The following VSIG10L2 variants were observed in gnomAD, a reference collection of about 807,000 sequenced individuals.
VSIG10L2 encodes the protein V-set and immunoglobulin domain containing 10 like 2.
In VSIG10L2, 56 loss-of-function variants were observed where a neutral mutation model predicts 67.1. The ratio of observed to expected loss-of-function variants is 0.83; its 90% confidence interval spans 0.67 to 1.04. The LOEUF is 1.04. Among genes scored for constraint, VSIG10L2 ranks in the 50% least tolerant of loss-of-function variants. The pLI is 0.00. For missense variants in VSIG10L2, 843 were observed against 932.8 expected (o/e 0.90, Z 1.25); for synonymous variants, 360 against 396.6 (o/e 0.91, Z 1.10).
intron 8 of VSIG10L2, 65 bp from the exon 9 acceptor site, chr11:125,954,992 C>T (rs992714116): frequency 7.9e-5 from 97 of 1,229,998 alleles, no homozygotes; most frequent in East Asian, 9.5e-5. Flanking sequence ...TGGTTCCCTA[C>T]GAGCCACTGT....
At position 125,954,093 on chromosome 11, in the gene VSIG10L2, C is replaced by T. The variant is rs1945417275; in HGVS notation, c.1793C>T (p.Pro598Leu). 8.1e-7 allele frequency: 1 copy of T among 1,232,198 alleles called. No homozygotes were observed. Among genetic ancestry groups the T allele is most frequent in the Non-Finnish European group, 1.0e-6 (1 of 988,038 alleles). 76.3% of individuals were successfully genotyped at this position (1,232,198 alleles called of 1,614,324 possible). ...QSVLLEVLRY[P>L]APPNVTISRL... ...TGTCCCCACCCTCACCCAGGATATC[C>T]AGCTCCTCCCAATGTCACCATCAGC... is the stretch of plus-strand genomic sequence containing the variant. The change falls in exon 8 of 12, where the codon CCA (proline) becomes CTA (leucine). Residue 598 changes from proline (P) to leucine (L), a missense_variant. Transcript: ENST00000686984.
chr11:125,951,949 C>T lies in VSIG10L2; in HGVS notation c.1371C>T (p.Gly457=), dbSNP rs748782762. 120 of 1,536,006 alleles carry T rather than the reference C, an allele frequency of 7.8e-5. No individual in the cohort carries two copies. The highest frequency in any genetic ancestry group is 5.1e-4 in the South Asian group (43 of 84,066). Residue 457 remains glycine (G), a synonymous_variant, in exon 6 of 12, where the codon GGC becomes GGT. Coordinates refer to ENST00000686984, the MANE Select transcript of VSIG10L2 (RefSeq NM_001365077.2). ...GWLDEQQQPL[G]GSSSSMAVHL... is the part of the protein sequence containing the mutation. ...TTGACGAACAGCAGCAGCCCCTGGG[C>T]GGCAGCAGCTCCTCGATGGCCGTTC...
At chr11:125,947,600 C>A (rs1018940343) in intron 1 of VSIG10L2, 86 bp from the exon 2 acceptor site, 6 of 1,231,542 alleles carry the variant, frequency 4.9e-6, no homozygotes, top group Non-Finnish European at 6.1e-6. Context: ...GACTGCAGAA[C>A]CAAAAAGAGA....
chr11:125,954,522 C>T (rs141755529), intron 8 of VSIG10L2, 139 bp downstream of exon 8: 147 of 678,454 alleles, frequency 2.2e-4, no homozygotes, highest in Non-Finnish European at 2.7e-4. Context: ...GCCCGTCCTC[C>T]TCTCTCTCCA....
At chr11:125,949,878 G>T (rs1254577722) in intron 3 of VSIG10L2, 136 bp from the exon 4 acceptor site, 1 of 925,486 alleles carries the variant, frequency 1.1e-6, no homozygotes, top group East Asian at 3.3e-5. Flanking sequence ...AGCTCTAAGA[G>T]GGCCTAGCCT....
Position 125,948,497 on chromosome 11 carries a change from G to A in VSIG10L2, c.626G>A (p.Arg209Gln), listed in dbSNP as rs769772290. The change falls in exon 3 of 12, where the codon CGG becomes CAG. Residue 209 changes from arginine (R) to glutamine (Q), a missense_variant. Coordinates refer to ENST00000686984, the MANE Select transcript of VSIG10L2 (RefSeq NM_001365077.2). The stretch of plus-strand genomic sequence containing the variant: ...CTATTCCAGCTGGACCCTGTCAACC[G>A]GACACACCTAGGGTGGTACATGTGC... The part of the protein sequence containing the change: ...EPLFQLDPVN[R>Q]THLGWYMCSA... 51 of 1,232,118 alleles carry A rather than the reference G, an allele frequency of 4.1e-5. No individual in the cohort carries two copies. The highest frequency in any genetic ancestry group is 4.7e-5 in the Non-Finnish European group (46 of 988,012). 76.3% of individuals were successfully genotyped at this position (1,232,118 alleles called of 1,614,324 possible). A position where few individuals can be genotyped will look rare whatever the true frequency, so the allele number is the denominator to read the frequency against.
chr11:125,949,425 T>C (rs1158160896), intron 3 of VSIG10L2, among the ~76,000 whole-genome samples: 1 of 152,092 alleles, frequency 6.6e-6, no homozygotes, highest in Non-Finnish European at 1.5e-5. Context: ...CCGTGGCGGT[T>C]TGTGGAAATT....
At chr11:125,955,349 C>T (rs749082154) in intron 9 of VSIG10L2, among the ~76,000 whole-genome samples, 133 bp from the exon 10 acceptor site, 2 of 152,228 alleles carry the variant, frequency 1.3e-5, no homozygotes, top group South Asian at 2.1e-4. Flanking sequence ...AACCCCCAAC[C>T]CAGGCACCTG....
chr11:125,951,785 G>C, intron 5 of VSIG10L2, 28 bp from the exon 6 acceptor site: 1 of 1,472,022 alleles, frequency 6.8e-7, no homozygotes, highest in South Asian at 1.4e-5. Flanking sequence ...CCTTCCACAG[G>C]GCCATACTGA....
intron 8 of VSIG10L2, 41 bp from the exon 9 acceptor site, chr11:125,955,016 C>A (rs1439450286): frequency 8.1e-7 from 1 of 1,232,674 alleles, no homozygotes; most frequent in Non-Finnish European, 1.0e-6. Context: ...CCAAGTTCTG[C>A]AGTGGCTCTA....
chr11:125,951,781 A>C, intron 5 of VSIG10L2, 32 bp from the exon 6 acceptor site: 1 of 1,449,022 alleles, frequency 6.9e-7, no homozygotes, highest in Non-Finnish European at 9.1e-7. Context: ...TCCTCCTTCC[A>C]CAGGGCCATA....
At chr11:125,953,343 C>A in intron 6 of VSIG10L2, 57 bp from the exon 7 acceptor site, 1 of 1,221,654 alleles carries the variant, frequency 8.2e-7, no homozygotes, top group South Asian at 4.1e-5. Flanking sequence ...CAATGCTGGC[C>A]AGCACCTTGT....
chr11:125,955,961 T>C lies in VSIG10L2; in HGVS notation c.*47T>C. 1.6e-6 allele frequency: 1 copy of C among 637,128 alleles called. No homozygotes were observed. The allele number at this position is 637,128 out of a possible 1,614,324, so 39.5% of individuals were successfully genotyped here. On this transcript the variant is annotated 3_prime_UTR_variant, in exon 12 of 12. Transcript: ENST00000686984. ...ATAGGCTTAGGGAGGGCAGGTGGGATTTGGGAAGAGCCCTTCTGTCAGACT... is the reference window on the plus strand; with the variant it reads ...ATAGGCTTAGGGAGGGCAGGTGGGACTTGGGAAGAGCCCTTCTGTCAGACT...
chr11:125,951,320 C>T (rs950565864), intron 5 of VSIG10L2, among the ~76,000 whole-genome samples, 162 bp downstream of exon 5: 1 of 152,182 alleles, frequency 6.6e-6, no homozygotes, highest in Admixed American at 6.5e-5. Context: ...CTCTCAGTCC[C>T]CATCTCCCAT....
chr11:125,951,894 GC>G lies in VSIG10L2; in HGVS notation c.1317del (p.Gly440AlafsTer156), dbSNP rs1326414156. The G allele has an allele frequency of 1.4e-5, 21 of 1,534,106 alleles. No homozygotes were observed. In the South Asian group the frequency reaches 1.7e-4, roughly 12 times the overall value. On this transcript the variant is annotated frameshift_variant, in exon 6 of 12. Coordinates refer to ENST00000686984, the MANE Select transcript of VSIG10L2 (RefSeq NM_001365077.2). LOFTEE classifies it high-confidence loss of function. ...QFIMLSCEWPGGEPPATLGWL... is the reference protein window; with the variant it reads ...QFIMLSCEWPXGEPPATLGWL... ...ATCATGCTGAGCTGCGAGTGGCCTG[GC>G]GGCGAGCCCCCTGCCACGCTGGGCT...
intron 8 of VSIG10L2, among the ~76,000 whole-genome samples, chr11:125,954,638 G>C (rs1945427645): frequency 1.3e-5 from 2 of 152,158 alleles, no homozygotes; most frequent in Admixed American, 1.3e-4. Context: ...TCAGAATAGA[G>C]AGGAAGGAAA....
intron 5 of VSIG10L2, 102 bp from the exon 6 acceptor site, chr11:125,951,707 TGAAG>T (rs1945374729): frequency 8.5e-7 from 1 of 1,169,770 alleles, no homozygotes; most frequent in Non-Finnish European, 1.2e-6. Context: ...GACAAAGTAA[TGAAG>T]GAAGGAGGGA....
At position 125,951,959 on chromosome 11, in the gene VSIG10L2, T is replaced by C; in HGVS notation, c.1381T>C (p.Ser461Pro). The C allele has an allele frequency of 6.5e-7, 1 of 1,536,122 alleles. No individual in the cohort carries two copies. The highest frequency in any genetic ancestry group is 8.7e-7 in the Non-Finnish European group (1 of 1,146,900). ...EQQQPLGGSSSSMAVHLLQAQ... is the reference protein window; with the variant it reads ...EQQQPLGGSSPSMAVHLLQAQ... Reference sequence around the variant, plus strand: ...GCAGCAGCCCCTGGGCGGCAGCAGCTCCTCGATGGCCGTTCACCTCCTGCA... The same window carrying C: ...GCAGCAGCCCCTGGGCGGCAGCAGCCCCTCGATGGCCGTTCACCTCCTGCA... Residue 461 changes from serine (S) to proline (P), a missense_variant, in exon 6 of 12, where the codon TCC becomes CCC. Physicochemically the swap from Ser to Pro is moderately conservative, Grantham distance 74. Transcript: ENST00000686984.
At position 125,954,343 on chromosome 11, in the gene VSIG10L2, T is replaced by A. The variant is rs551026528; in HGVS notation, c.2043T>A (p.Asn681Lys). 5.0e-5 allele frequency: 61 copies of A among 1,231,984 alleles called. No homozygotes were observed. The highest frequency in any genetic ancestry group is 6.1e-5 in the Non-Finnish European group (60 of 987,992). The allele number at this position is 1,231,984 out of a possible 1,614,324, so 76.3% of individuals were successfully genotyped here. Residue 681 changes from asparagine (N) to lysine (K), a missense_variant, in exon 8 of 12, where the codon AAT becomes AAA. This residue lies in a region of VSIG10L2 where 397 missense variants were observed against 384.4 expected (regional missense o/e 1.03). Transcript: ENST00000686984. ...VLYAFRILAL[N>K]HHTAGHPSEV... ...ATGCCTTCCGCATCCTGGCTCTGAATCACCACACTGCAGGACATCCCTCTG... is the reference window on the plus strand; with the variant it reads ...ATGCCTTCCGCATCCTGGCTCTGAAACACCACACTGCAGGACATCCCTCTG...
Sources: gnomAD v4.1 joint callset for allele counts (sites outside exome capture counted in the v4.1 genomes callset) on GRCh38, gnomAD v4.1.1 for gene constraint, gnomAD v4.1.1 regional missense constraint, MANE v1.5 for transcripts, NCBI Gene and HGNC (gene_info 2026-07-23, HGNC 2026-07-21) for gene names.